ZNF83: variants seen among roughly 807,000 people sequenced by gnomAD.
ZNF83 encodes the protein zinc finger protein 816B.
For synonymous variants in ZNF83, 209 were observed against 213.0 expected, an observed-to-expected ratio of 0.98 and a Z score of 0.17; for missense variants, 552 against 629.9, an observed-to-expected ratio of 0.88 and a Z score of 1.32.
At chr19:52,678,128 A>C (rs2061848131) in intron 1 of ZNF83, among the ~76,000 whole-genome samples, 1 of 152,032 alleles carries the variant, frequency 6.6e-6, no homozygotes, top group African/African-American at 2.4e-5. Flanking sequence ...GAAAAACAAT[A>C]ATGCGCTAAC....
chr19:52,646,889 C>T lies in ZNF83; in HGVS notation c.-74+8672G>A, dbSNP rs2061379014. Among the ~76,000 whole-genome samples the T allele has an allele frequency of 2.6e-5, 4 of 152,248 alleles. No homozygotes were observed. The South Asian group carries it at 8.3e-4, about 32-fold the overall frequency. ...AGCTAAGCAAGGCCACAAGTTATAC[C>T]AAGGCAGCAGTTATGGTATAGATTA... On this transcript the variant is annotated intron_variant, in intron 3 of 5. Coordinates refer to the ZNF83 transcript ENST00000594682.
At chr19:52,613,971 A>G (rs189613132) in exon 3 of ZNF83, 2 of 1,613,344 alleles carry the variant, frequency 1.2e-6, no homozygotes, top group East Asian at 4.5e-5. Context: ...CTCCGGTATG[A>G]ATTCTTTGAT....
intron 2 of ZNF83, among the ~76,000 whole-genome samples, chr19:52,631,954 A>T (rs1195465864): frequency 1.4e-5 from 2 of 143,798 alleles, no homozygotes; most frequent in Non-Finnish European, 3.0e-5. Flanking sequence ...CCTTCCCTAC[A>T]CATCAAGCTC....
chr19:52,666,157 C>A (rs1405178591), intron 1 of ZNF83, among the ~76,000 whole-genome samples: 1 of 107,230 alleles, frequency 9.3e-6, no homozygotes, highest in Non-Finnish European at 1.9e-5. Context: ...GAGCAAGACT[C>A]CATCTCAAAA....
At chr19:52,676,435 GC>G (rs1335566400) in intron 1 of ZNF83, among the ~76,000 whole-genome samples, 1 of 152,040 alleles carries the variant, frequency 6.6e-6, no homozygotes, top group Non-Finnish European at 1.5e-5. Flanking sequence ...TCTCTGCCTG[GC>G]CGCCCATGTC....
chr19:52,667,383 G>A (rs2061669411), intron 1 of ZNF83, among the ~76,000 whole-genome samples: 1 of 152,146 alleles, frequency 6.6e-6, no homozygotes, highest in Admixed American at 6.5e-5. Flanking sequence ...TGTCAAAGTT[G>A]TGAAAAAAGA....
chr19:52,642,493 C>G (rs1347862059), upstream of ZNF83, among the ~76,000 whole-genome samples: 1 of 151,890 alleles, frequency 6.6e-6, no homozygotes, highest in African/African-American at 2.4e-5. Context: ...GTCTCGAACT[C>G]CCGACCTCAG....
chr19:52,643,881 G>A (rs1296885282), intron 3 of ZNF83, among the ~76,000 whole-genome samples: 1 of 152,176 alleles, frequency 6.6e-6, no homozygotes, highest in African/African-American at 2.4e-5. Context: ...CCTGAGACAG[G>A]AAGGGTTTTG....
At chr19:52,677,798 T>C (rs1442251204) in intron 1 of ZNF83, among the ~76,000 whole-genome samples, 2 of 151,930 alleles carry the variant, frequency 1.3e-5, no homozygotes, top group African/African-American at 2.4e-5. Context: ...CTTTGGGAAG[T>C]GGAGGTGGGT....
upstream of ZNF83, among the ~76,000 whole-genome samples, chr19:52,641,996 C>T (rs2061312473): frequency 1.3e-5 from 2 of 152,178 alleles, no homozygotes; most frequent in Admixed American, 6.5e-5. Context: ...ACTCATCAGC[C>T]TTTCACTGAA....
At position 52,644,283 on chromosome 19, in the gene ZNF83, C is replaced by G. The variant is rs2061346070; in HGVS notation, c.-73-9130G>C. On this transcript the variant is annotated intron_variant, in intron 3 of 5. Transcript: ENST00000594682. ...AAAAAGCCACATCCAGACACCCACT[C>G]TATTTTGCCAATCATTTCAGGGGCC... 1.3e-5 allele frequency among the ~76,000 whole-genome samples: 2 copies of G among 152,012 alleles called. 1 individual carries two copies. The highest frequency in any genetic ancestry group is 1.3e-4 in the Admixed American group (2 of 15,258).
rs187111968 is a variant in ZNF83 at position 52,671,020 on chromosome 19, C to T, written c.-282-10177G>A. Among the ~76,000 whole-genome samples, 45 of 152,310 alleles carry T rather than the reference C, an allele frequency of 3.0e-4. No individual in the cohort carries two copies. In the East Asian group the frequency reaches 8.5e-3, roughly 29 times the overall value. Reference sequence around the variant, plus strand: ...AAAAGGTGTTAGATTTTTAGTTATTCTCTTCAGGATTGGTAGGGCCTAGAA... The same window carrying T: ...AAAAGGTGTTAGATTTTTAGTTATTTTCTTCAGGATTGGTAGGGCCTAGAA... On this transcript the variant is annotated intron_variant, in intron 1 of 5. Transcript: ENST00000594682.
At chr19:52,678,057 A>C (rs10424063) in intron 1 of ZNF83, among the ~76,000 whole-genome samples, 6,032 of 151,810 alleles carry the variant, frequency 0.04, 373 homozygotes, top group African/African-American at 0.13. Context: ...AACAAAAAAC[A>C]AAACAAAACA....
At chr19:52,627,306 G>T (rs1041378698) in intron 2 of ZNF83, among the ~76,000 whole-genome samples, 4 of 151,930 alleles carry the variant, frequency 2.6e-5, no homozygotes, top group African/African-American at 9.7e-5. Context: ...TCACACAGAC[G>T]AGCATGACAC....
chr19:52,678,161 T>C (rs1316658661), intron 1 of ZNF83, among the ~76,000 whole-genome samples: 1 of 151,818 alleles, frequency 6.6e-6, no homozygotes, highest in Non-Finnish European at 1.5e-5. Flanking sequence ...ATATGAAAAT[T>C]AGAGGATAAG....
rs572694234 is a variant in ZNF83, at chr19:52,673,027, G to A, written c.-282-12184C>T. Among the ~76,000 whole-genome samples, 7 of 151,858 alleles carry A rather than the reference G, an allele frequency of 4.6e-5. No homozygotes were observed. In the South Asian group the frequency reaches 1.5e-3, roughly 32 times the overall value. On this transcript the variant is annotated intron_variant, in intron 1 of 5. Coordinates refer to the ZNF83 transcript ENST00000594682. ...AAAAATGGGGATGGCCAGGTGTGGT[G>A]GCTCAAACCTATAAGCCCTGTCTCT...
At chr19:52,686,085 A>C (rs1197752605) in intron 1 of ZNF83, among the ~76,000 whole-genome samples, 1 of 152,084 alleles carries the variant, frequency 6.6e-6, no homozygotes, top group Non-Finnish European at 1.5e-5. Context: ...AAAATAGACT[A>C]ACTGGTTAAA....
At chr19:52,675,891 C>G (rs2061794686) in intron 1 of ZNF83, among the ~76,000 whole-genome samples, 1 of 152,108 alleles carries the variant, frequency 6.6e-6, no homozygotes, top group African/African-American at 2.4e-5. Context: ...GGGCAAAGGA[C>G]AAGAATGAAC....
At chr19:52,661,248 C>T (rs1303254145) in intron 1 of ZNF83, among the ~76,000 whole-genome samples, 1 of 152,152 alleles carries the variant, frequency 6.6e-6, no homozygotes, top group African/African-American at 2.4e-5. Context: ...AGACTGTCCT[C>T]TACTGCCCAC....
Sources: gnomAD v4.1 joint callset for allele counts (sites outside exome capture counted in the v4.1 genomes callset) on GRCh38, gnomAD v4.1.1 for gene constraint, MANE v1.5 for transcripts, NCBI Gene and HGNC (gene_info 2026-07-23, HGNC 2026-07-21) for gene names.